DPP6: variants seen among roughly 807,000 people sequenced by gnomAD.
DPP6 encodes A-type potassium channel modulatory protein DPP6.
In DPP6, 69 loss-of-function variants were observed where a neutral mutation model predicts 122.6. The ratio of observed to expected loss-of-function variants is 0.56; its 90% CI spans 0.46 to 0.69. The LOEUF (loss-of-function observed/expected upper bound fraction) is 0.69, where lower values mean the gene tolerates loss of function less well. DPP6 is among the 30% of genes least tolerant of loss of function. The pLI is 0.00. For missense variants in DPP6, 928 were observed against 1,116.9 expected (o/e 0.83, Z 2.41); for synonymous variants, 418 against 433.1 (o/e 0.97, Z 0.43).
rs551754080 is a variant in DPP6, at chr7:154,831,266, T to G, written c.1667-22514T>G. On this transcript the variant is annotated intron_variant, in intron 16 of 25. Coordinates refer to ENST00000377770, the MANE Select transcript of DPP6 (RefSeq NM_130797.4). The stretch of plus-strand genomic sequence containing the variant: ...CAATAGCAGTCAGGAGCCAGATGCA[T>G]GAGGCTCGGAGTGGCTTTGATGAGA... 5.3e-5 allele frequency among the ~76,000 whole-genome samples: 8 copies of G among 152,340 alleles called. No homozygotes were observed. The East Asian group carries it at 1.5e-3, about 29-fold the overall frequency.
intron 1 of DPP6, among the ~76,000 whole-genome samples, chr7:154,209,990 A>C (rs1328392829): frequency 6.6e-6 from 1 of 152,158 alleles, no homozygotes; most frequent in East Asian, 1.9e-4. Flanking sequence ...GGAAGCTGCA[A>C]GTGCTGCCTG....
At chr7:154,302,476 TC>T (rs1805975160) in intron 1 of DPP6, among the ~76,000 whole-genome samples, 1 of 152,156 alleles carries the variant, frequency 6.6e-6, no homozygotes, top group Admixed American at 6.5e-5. Context: ...CTGGCCTGGT[TC>T]TCCACCAGTA....
chr7:154,060,313 G>C (rs149879155), intron 1 of DPP6, among the ~76,000 whole-genome samples: 3 of 124,292 alleles, frequency 2.4e-5, no homozygotes, highest in East Asian at 2.5e-4. Flanking sequence ...CTGGCTCTTA[G>C]GACCCCCATC....
At chr7:153,837,045 C>T in the DPP6 span, among the ~76,000 whole-genome samples, 4 of 152,188 alleles carry the variant, frequency 2.6e-5, no homozygotes, top group Admixed American at 1.3e-4. Context: ...TTGTAATCAT[C>T]ATGCCACACC....
chr7:154,141,985 C>A (rs1428921261), intron 1 of DPP6, among the ~76,000 whole-genome samples: 1 of 152,172 alleles, frequency 6.6e-6, no homozygotes, highest in African/African-American at 2.4e-5. Context: ...AGGAGCTAAA[C>A]CTTAAAACCC....
At chr7:154,499,222 G>C (rs1825012117) in intron 3 of DPP6, among the ~76,000 whole-genome samples, 1 of 152,172 alleles carries the variant, frequency 6.6e-6, no homozygotes, top group South Asian at 2.1e-4. Flanking sequence ...AGAGAAGAAA[G>C]GAGTAAAACA....
Position 154,341,896 on chromosome 7 carries a change from A to C in DPP6, c.244-104318A>C, listed in dbSNP as rs190732214. ...CAATTAAAGAGAACATTTTTAGCACAGGGTGTGGCGCTTACAAGAGTTCAT... is the reference window on the plus strand; with the variant it reads ...CAATTAAAGAGAACATTTTTAGCACCGGGTGTGGCGCTTACAAGAGTTCAT... On this transcript the variant is annotated intron_variant, in intron 1 of 25. Transcript: ENST00000377770. Among the ~76,000 whole-genome samples the C allele has an allele frequency of 2.6e-5, 4 of 152,204 alleles. No individual in the cohort carries two copies. The East Asian group carries it at 7.8e-4, about 30-fold the overall frequency.
At chr7:153,980,496 C>T (rs1352280611) in intron 1 of DPP6, among the ~76,000 whole-genome samples, 2 of 151,858 alleles carry the variant, frequency 1.3e-5, no homozygotes, top group African/African-American at 4.8e-5. Flanking sequence ...TAAAAAAAAC[C>T]AGCTCCTGGA....
At chr7:154,019,469 C>T (rs1798597104) in intron 1 of DPP6, among the ~76,000 whole-genome samples, 1 of 151,424 alleles carries the variant, frequency 6.6e-6, no homozygotes. Flanking sequence ...CTCCCTTCCT[C>T]CCTCCCTATC....
At chr7:154,576,742 A>T (rs1375277473) in intron 5 of DPP6, among the ~76,000 whole-genome samples, 1 of 152,068 alleles carries the variant, frequency 6.6e-6, no homozygotes, top group African/African-American at 2.4e-5. Context: ...GAGGCTGCTC[A>T]CTATCTCCCC....
chr7:154,365,717 G>A (rs546144509), intron 1 of DPP6, among the ~76,000 whole-genome samples: 1 of 152,250 alleles, frequency 6.6e-6, no homozygotes, highest in African/African-American at 2.4e-5. Flanking sequence ...ACTTTGGGAG[G>A]CCGAGGCGGG....
intron 8 of DPP6, among the ~76,000 whole-genome samples, chr7:154,765,434 A>G (rs1430358336): frequency 6.6e-6 from 1 of 152,214 alleles, no homozygotes; most frequent in Non-Finnish European, 1.5e-5. Context: ...TCACCTCTTC[A>G]TCTGTCAAAC....
chr7:154,389,273 C>T (rs1241216082), intron 1 of DPP6, among the ~76,000 whole-genome samples: 1 of 152,150 alleles, frequency 6.6e-6, no homozygotes, highest in Non-Finnish European at 1.5e-5. Flanking sequence ...GCCCAGGAAC[C>T]TCACACAATG....
In DPP6 at chr7:154,776,889, A is replaced by G. The variant is rs1796610125; in HGVS notation, c.1136+3947A>G. On this transcript the variant is annotated intron_variant, in intron 10 of 25. Coordinates refer to ENST00000377770, the MANE Select transcript of DPP6 (RefSeq NM_130797.4). ...CCCCTGAGCACCTAGGAAGGGAGAC[A>G]TGCAGAGGTTTCTGGAAGCCTGCAG... is the stretch of plus-strand genomic sequence containing the variant. Among the ~76,000 whole-genome samples, 3 of 152,238 alleles carry G rather than the reference A, an allele frequency of 2.0e-5. No individual in the cohort carries two copies. In the South Asian group the frequency reaches 6.2e-4, roughly 32 times the overall value.
chr7:154,292,201 G>A (rs748584358), intron 1 of DPP6, among the ~76,000 whole-genome samples: 2 of 151,998 alleles, frequency 1.3e-5, no homozygotes, highest in East Asian at 1.9e-4. Flanking sequence ...TGGCACCACC[G>A]ACAAAGGATA....
intron 16 of DPP6, among the ~76,000 whole-genome samples, chr7:154,828,830 G>A (rs940842): frequency 0.6 from 90,462 of 152,018 alleles, 30,943 homozygotes; most frequent in Non-Finnish European, 0.77. Flanking sequence ...TCTTAAAATC[G>A]TGGCATACTG....
intron 3 of DPP6, among the ~76,000 whole-genome samples, chr7:154,521,891 A>C (rs7785513): frequency 0.25 from 38,184 of 151,968 alleles, 5,173 homozygotes; most frequent in Non-Finnish European, 0.3. Flanking sequence ...CCTCCTAATA[A>C]CCTCAGACTT....
chr7:154,572,860 G>T (rs1028654904), intron 5 of DPP6, among the ~76,000 whole-genome samples: 2 of 151,170 alleles, frequency 1.3e-5, no homozygotes, highest in African/African-American at 4.9e-5. Flanking sequence ...TTGTATTTTT[G>T]GTATAGACAG....
At chr7:154,205,931 G>A (rs919750832) in intron 1 of DPP6, among the ~76,000 whole-genome samples, 1 of 152,126 alleles carries the variant, frequency 6.6e-6, no homozygotes, top group African/African-American at 2.4e-5. Flanking sequence ...AGGCACAAGT[G>A]GGCTCAGGCT....
Sources: allele counts gnomAD v4.1 joint callset (sites outside exome capture counted in the v4.1 genomes callset), GRCh38; gene constraint gnomAD v4.1.1; transcripts MANE v1.5; gene names NCBI Gene and HGNC (gene_info 2026-07-23, HGNC 2026-07-21).